The following CHRNB1 variants were observed in gnomAD, a reference collection of about 807,000 sequenced individuals.
CHRNB1 encodes the protein cholinergic receptor nicotinic beta 1 subunit.
In CHRNB1, 47 loss-of-function variants were observed where a neutral mutation model predicts 53.8. The ratio of observed to expected loss-of-function variants is 0.87; its 90% CI spans 0.69 to 1.11. The LOEUF is 1.11. Ranked by LOEUF, CHRNB1 falls within the 50% of genes most tolerant of loss-of-function variation. The pLI is 0.00. For synonymous variants in CHRNB1, 259 were observed against 263.5 expected, an observed-to-expected ratio of 0.98 and a Z score of 0.16; for missense variants, 605 against 654.9, an observed-to-expected ratio of 0.92 and a Z score of 0.83.
Position 7,448,721 on chromosome 17 carries a change from C to T in CHRNB1, c.753C>T (p.Asn251=), listed in dbSNP as rs142067673. 251 of 1,614,132 alleles carry T rather than the reference C, an allele frequency of 1.6e-4. No individual in the cohort carries two copies. The highest frequency in any genetic ancestry group is 9.9e-4 in the Middle Eastern group (6 of 6,084). Residue 251 remains asparagine (N), a synonymous_variant, in exon 7 of 11, where the codon AAC becomes AAT. Transcript: ENST00000306071. ...IRRKPLFYLV[N]VIAPCILITL... is the part of the protein sequence containing the mutation. ...GCAAGCCTCTCTTCTACCTGGTCAACGTCATTGCCCCATGCATCCTCATCA... is the reference window on the plus strand; with the variant it reads ...GCAAGCCTCTCTTCTACCTGGTCAATGTCATTGCCCCATGCATCCTCATCA...
chr17:7,449,977 G>T (rs1368391792), intron 7 of CHRNB1, among the ~76,000 whole-genome samples: 1 of 151,306 alleles, frequency 6.6e-6, no homozygotes, highest in Admixed American at 6.6e-5. Flanking sequence ...CCGGGAGGCG[G>T]AGCTTGCAGT....
intron 8 of CHRNB1, 111 bp downstream of exon 8, chr17:7,454,631 T>C (rs1404545631): frequency 2.1e-5 from 18 of 865,626 alleles, no homozygotes; most frequent in Non-Finnish European, 3.3e-5. Flanking sequence ...TGTTGAAATG[T>C]TGCACAGTTA....
chr17:7,445,961 G>A lies in CHRNB1; in HGVS notation c.199-108G>A, dbSNP rs1019733080. On this transcript the variant is annotated intron_variant, in intron 2 of 10. Transcript: ENST00000306071. This position sits in a 1 kb window ranked among gnomAD's most constrained non-coding sequence, Gnocchi z 5.7. Reference sequence around the variant, plus strand: ...AGGTGGACTTGGACCCGAGAGGATGGGGCTCAGAAAAAGGGGGCGGCGTTC... The same window carrying A: ...AGGTGGACTTGGACCCGAGAGGATGAGGCTCAGAAAAAGGGGGCGGCGTTC... 148 of 964,590 alleles carry A rather than the reference G, an allele frequency of 1.5e-4. No individual in the cohort carries two copies. The highest frequency in any genetic ancestry group is 2.4e-4 in the Non-Finnish European group (143 of 593,416). The allele number at this position is 964,590 out of a possible 1,614,324, so 59.8% of individuals were successfully genotyped here.
At chr17:7,453,484 G>A (rs2150841938) in intron 7 of CHRNB1, among the ~76,000 whole-genome samples, 1 of 152,060 alleles carries the variant, frequency 6.6e-6, no homozygotes, top group Non-Finnish European at 1.5e-5. Flanking sequence ...AGGTTGAGTA[G>A]GCAGATGGAT....
Position 7,445,878 on chromosome 17 carries a change from C to G in CHRNB1, c.199-191C>G. ...TAGGTTGATAGGCTGGGAGTGTAGA[C>G]GGCAGGAAGAGGTGTTTCTGAGATA... On this transcript the variant is annotated intron_variant, in intron 2 of 10. Coordinates refer to ENST00000306071, the MANE Select transcript of CHRNB1 (RefSeq NM_000747.3). The surrounding 1 kb of genome is among the most constrained non-coding windows in gnomAD (Gnocchi z 5.7). 1 of 652,286 alleles carries G rather than the reference C, an allele frequency of 1.5e-6. No individual in the cohort carries two copies. The allele number at this position is 652,286 out of a possible 1,614,324, so 40.4% of individuals were successfully genotyped here. A position where few individuals can be genotyped will look rare whatever the true frequency, so the allele number is the denominator to read the frequency against.
chr17:7,451,949 C>G (rs528373247), intron 7 of CHRNB1, among the ~76,000 whole-genome samples: 2 of 152,232 alleles, frequency 1.3e-5, no homozygotes, highest in Admixed American at 1.3e-4. Flanking sequence ...GCCACCCCAG[C>G]CCTGGAAGCC....
chr17:7,456,614 T>C lies in CHRNB1; in HGVS notation c.1397T>C (p.Val466Ala). 2 of 1,614,010 alleles carry C rather than the reference T, an allele frequency of 1.2e-6. No individual in the cohort carries two copies. Among genetic ancestry groups the C allele is most frequent in the East Asian group, 2.2e-5 (1 of 44,868 alleles). ...LKEDWQFVAM[V>A]VDRLFLWTFI... ...GAGGACTGGCAGTTTGTGGCCATGG[T>C]AGTGGACCGCCTCTTCCTGTGGACT... is the stretch of plus-strand genomic sequence containing the variant. Residue 466 changes from valine (V) to alanine (A), a missense_variant, in exon 11 of 11, where the codon GTA becomes GCA. By Grantham distance (64) the Val-to-Ala change is moderately conservative. Transcript: ENST00000306071.
chr17:7,453,225 C>A (rs1013247426), intron 7 of CHRNB1, among the ~76,000 whole-genome samples: 2 of 152,128 alleles, frequency 1.3e-5, no homozygotes, highest in East Asian at 3.9e-4. Flanking sequence ...TCGAGTGATT[C>A]TCCTGCCTCA....
chr17:7,454,148 T>G, intron 7 of CHRNB1, 149 bp from the exon 8 acceptor site: 2 of 735,920 alleles, frequency 2.7e-6, no homozygotes, highest in Non-Finnish European at 4.8e-6. Flanking sequence ...CACCTTGGCC[T>G]CCCAAAGTGC....
rs549568321 is a variant in CHRNB1, at chr17:7,445,956, G to A, written c.199-113G>A. ...CTGGGAGGTGGACTTGGACCCGAGA[G>A]GATGGGGCTCAGAAAAAGGGGGCGG... On this transcript the variant is annotated intron_variant, in intron 2 of 10. Coordinates refer to ENST00000306071, the MANE Select transcript of CHRNB1 (RefSeq NM_000747.3). This position sits in a 1 kb window ranked among gnomAD's most constrained non-coding sequence, Gnocchi z 5.7. 5.9e-5 allele frequency: 55 copies of A among 932,188 alleles called. No homozygotes were observed. The Admixed American group carries it at 8.4e-4, about 14-fold the overall frequency. 57.7% of individuals were successfully genotyped at this position (932,188 alleles called of 1,614,324 possible). A position where few individuals can be genotyped will look rare whatever the true frequency, so the allele number is the denominator to read the frequency against.
Position 7,445,617 on chromosome 17 carries a change from A to G in CHRNB1, c.198+208A>G. 1 of 1,421,672 alleles carries G rather than the reference A, an allele frequency of 7.0e-7. No homozygotes were observed. Among genetic ancestry groups the G allele is most frequent in the Non-Finnish European group, 9.2e-7 (1 of 1,084,878 alleles). 88.1% of individuals were successfully genotyped at this position (1,421,672 alleles called of 1,614,324 possible). A position where few individuals can be genotyped will look rare whatever the true frequency, so the allele number is the denominator to read the frequency against. On this transcript the variant is annotated intron_variant, in intron 2 of 10. Coordinates refer to ENST00000306071, the MANE Select transcript of CHRNB1 (RefSeq NM_000747.3). This position sits in a 1 kb window ranked among gnomAD's most constrained non-coding sequence, Gnocchi z 5.7. Reference sequence around the variant, plus strand: ...GGACGGGCCTGGAGTAGAACTGGGTAGGGTGAAGGACGGACCTGTGATCGG... The same window carrying G: ...GGACGGGCCTGGAGTAGAACTGGGTGGGGTGAAGGACGGACCTGTGATCGG...
At chr17:7,451,471 GGA>G (rs1460291434) in intron 7 of CHRNB1, among the ~76,000 whole-genome samples, 1 of 151,758 alleles carries the variant, frequency 6.6e-6, no homozygotes, top group African/African-American at 2.4e-5. Context: ...AGTAGAGATG[GGA>G]TTTCTCCATG....
Position 7,445,234 on chromosome 17 carries a change from A to G in CHRNB1, c.59-36A>G. Reference sequence around the variant, plus strand: ...AGTGACGGGGCCAGCGGTCGTGGCCAGGCACCAGGGCTGCACTTATTCTCT... The same window carrying G: ...AGTGACGGGGCCAGCGGTCGTGGCCGGGCACCAGGGCTGCACTTATTCTCT... On this transcript the variant is annotated intron_variant, in intron 1 of 10. Transcript: ENST00000306071. The surrounding 1 kb of genome is among the most constrained non-coding windows in gnomAD (Gnocchi z 5.7). The G allele has an allele frequency of 6.2e-7, 1 of 1,612,008 alleles. No homozygotes were observed. Among genetic ancestry groups the G allele is most frequent in the Non-Finnish European group, 8.5e-7 (1 of 1,179,522 alleles).
rs56074046 is a variant in CHRNB1 at position 7,455,611 on chromosome 17, G to A, written c.1217+155G>A. 0.31 allele frequency: 379,629 copies of A among 1,222,082 alleles called. 67,402 individuals carry two copies. The highest frequency in any genetic ancestry group is 0.37 in the Non-Finnish European group (313,110 of 836,614). The allele number at this position is 1,222,082 out of a possible 1,614,324, so 75.7% of individuals were successfully genotyped here. Reference sequence around the variant, plus strand: ...TGCTGCTCACTTTGAGGGGAGGTGGGAACTAAAACAGAGGCGGTGGAAGAA... The same window carrying A: ...TGCTGCTCACTTTGAGGGGAGGTGGAAACTAAAACAGAGGCGGTGGAAGAA... On this transcript the variant is annotated intron_variant, in intron 9 of 10. Transcript: ENST00000306071.
Position 7,453,962 on chromosome 17 carries a change from G to A in CHRNB1, c.821-335G>A, listed in dbSNP as rs541698341. ...TGTAGTCCCAGCTACTCAGGAGGCCGAGGTGGGAAGACCACTTGAGCCTGG... is the reference window on the plus strand; with the variant it reads ...TGTAGTCCCAGCTACTCAGGAGGCCAAGGTGGGAAGACCACTTGAGCCTGG... On this transcript the variant is annotated intron_variant, in intron 7 of 10. Transcript: ENST00000306071. Among the ~76,000 whole-genome samples the A allele has an allele frequency of 1.1e-4, 16 of 152,196 alleles. 1 individual carries two copies. Among genetic ancestry groups the A allele is most frequent in the African/African-American group, 3.1e-4 (13 of 41,532 alleles).
chr17:7,448,159 C>T (rs910991957), intron 6 of CHRNB1, among the ~76,000 whole-genome samples: 1 of 143,268 alleles, frequency 7.0e-6, no homozygotes, highest in Non-Finnish European at 1.5e-5. Context: ...TGGAGGCGGG[C>T]AAATCACCTG....
At chr17:7,447,876 G>C (rs1024732572) in intron 6 of CHRNB1, among the ~76,000 whole-genome samples, 1 of 151,972 alleles carries the variant, frequency 6.6e-6, no homozygotes, top group Admixed American at 6.6e-5. Flanking sequence ...TCTGGAGTTC[G>C]TGACCAGCCT....
rs1298326217 is a variant in CHRNB1 at position 7,455,819 on chromosome 17, G to GA, written c.1244dup (p.Asp415GlufsTer101). ...GTTCCAGCCTGAACTGTCTGCCCCT[G>GA]ATCTGCGGCGATTTATCGATGGTCC... On this transcript the variant is annotated frameshift_variant, in exon 10 of 11. Coordinates refer to ENST00000306071, the MANE Select transcript of CHRNB1 (RefSeq NM_000747.3). LOFTEE classifies it high-confidence loss of function. The GA allele has an allele frequency of 4.3e-6, 7 of 1,613,996 alleles. No individual in the cohort carries two copies. In the African/African-American group the frequency reaches 6.7e-5, roughly 15 times the overall value.
rs1351865148 is a variant in CHRNB1, at chr17:7,445,426, G to A, written c.198+17G>A. On this transcript the variant is annotated intron_variant, in intron 2 of 10. Transcript: ENST00000306071. This position sits in a 1 kb window ranked among gnomAD's most constrained non-coding sequence, Gnocchi z 5.7. ...ATCAGCCTGGTGAGGGCGCGCGGGG[G>A]GTGGAGGTCAGGCCAGCCGACCGGC... The A allele has an allele frequency of 1.2e-6, 2 of 1,610,014 alleles. No individual in the cohort carries two copies. The highest frequency in any genetic ancestry group is 1.7e-5 in the Admixed American group (1 of 59,844).
Sources: allele counts gnomAD v4.1 joint callset (sites outside exome capture counted in the v4.1 genomes callset), GRCh38; gene constraint gnomAD v4.1.1; non-coding constraint Gnocchi (gnomAD v3.1); transcripts MANE v1.5; gene names NCBI Gene and HGNC (gene_info 2026-07-23, HGNC 2026-07-21).